TNKS: variants seen among roughly 807,000 people sequenced by gnomAD.
The protein encoded by TNKS is tankyrase, also known as poly [ADP-ribose] polymerase tankyrase-1.
A neutral mutation model predicts 135.8 loss-of-function variants in TNKS; 72 were observed. The observed-to-expected ratio is 0.53, with a 90% confidence interval of 0.44 to 0.64. TNKS has a LOEUF of 0.64. TNKS is among the 30% of genes least tolerant of loss of function. The probability of loss-of-function intolerance (pLI) is 0.00; values close to 1 mark genes in which losing one functional copy is unlikely to be tolerated. For missense variants in TNKS, 1,769 were observed against 1,674.0 expected, an observed-to-expected ratio of 1.06 and a Z score of -0.99; for synonymous variants, 849 against 649.3, an observed-to-expected ratio of 1.31 and a Z score of -4.68.
intron 4 of TNKS, among the ~76,000 whole-genome samples, chr8:9,680,211 T>C (rs1802726328): frequency 6.6e-6 from 1 of 152,198 alleles, no homozygotes; most frequent in Non-Finnish European, 1.5e-5. Flanking sequence ...TTTCCTAAGG[T>C]ACCTGTAAAC....
chr8:9,773,400 T>C (rs970937507), intron 26 of TNKS, among the ~76,000 whole-genome samples: 1 of 152,148 alleles, frequency 6.6e-6, no homozygotes, highest in Non-Finnish European at 1.5e-5. Flanking sequence ...AATGAGTGGT[T>C]TCAGTTCTCT....
chr8:9,722,729 A>G (rs1467816407), intron 12 of TNKS, among the ~76,000 whole-genome samples: 1 of 152,170 alleles, frequency 6.6e-6, no homozygotes, highest in Non-Finnish European at 1.5e-5. Flanking sequence ...CATTTTACTG[A>G]GAATCATTTA....
chr8:9,649,873 CTTTTCTTTTTTT>C, intron 3 of TNKS, among the ~76,000 whole-genome samples: 1 of 95,836 alleles, frequency 1.0e-5, no homozygotes, highest in East Asian at 3.0e-4. Flanking sequence ...TCTTTCTTTT[CTTTTCTTTTTTT>C]TTTTTTTTTT....
At chr8:9,715,893 T>G (rs892230817) in intron 11 of TNKS, among the ~76,000 whole-genome samples, 1 of 152,158 alleles carries the variant, frequency 6.6e-6, no homozygotes, top group Non-Finnish European at 1.5e-5. Flanking sequence ...ATGTGGCAAT[T>G]TTTTCTTTAT....
At chr8:9,666,248 A>G (rs1219025487) in intron 3 of TNKS, among the ~76,000 whole-genome samples, 1 of 152,212 alleles carries the variant, frequency 6.6e-6, no homozygotes, top group Non-Finnish European at 1.5e-5. Flanking sequence ...ATAGTAGGGT[A>G]AATAAAACGT....
chr8:9,622,279 A>G (rs1799895608), intron 3 of TNKS, among the ~76,000 whole-genome samples: 1 of 152,150 alleles, frequency 6.6e-6, no homozygotes, highest in African/African-American at 2.4e-5. Context: ...AGCAGCAGGT[A>G]TTTGTTTCAT....
At chr8:9,734,720 G>A in intron 15 of TNKS, 145 bp from the exon 16 acceptor site, 1 of 658,272 alleles carries the variant, frequency 1.5e-6, no homozygotes. Context: ...TACTAAGTAG[G>A]AATTTTGCAA....
chr8:9,635,307 G>C (rs945619597), intron 3 of TNKS, among the ~76,000 whole-genome samples: 1 of 152,202 alleles, frequency 6.6e-6, no homozygotes, highest in Non-Finnish European at 1.5e-5. Flanking sequence ...TATCATAATA[G>C]TGATGGATTG....
intron 26 of TNKS, among the ~76,000 whole-genome samples, chr8:9,775,793 C>T (rs1485605277): frequency 6.6e-6 from 1 of 151,948 alleles, no homozygotes; most frequent in Non-Finnish European, 1.5e-5. Context: ...CCCCAAAACA[C>T]TTTGCTCACC....
At chr8:9,739,093 A>G (rs1415596198) in intron 17 of TNKS, among the ~76,000 whole-genome samples, 1 of 146,730 alleles carries the variant, frequency 6.8e-6, no homozygotes, top group Non-Finnish European at 1.5e-5. Context: ...ACAGCAAAAG[A>G]AACTACCATC....
At position 9,743,477 on chromosome 8, in the gene TNKS, A is replaced by G. The variant is rs139769274; in HGVS notation, c.2644-4547A>G. ...TGGTTTTCTCAGTAGTAAAAGTTGG[A>G]TTCCAAGACCTCCTTTCCAGCTTGT... On this transcript the variant is annotated intron_variant, in intron 17 of 26. Transcript: ENST00000310430. The G allele has an allele frequency of 7.2e-5, 11 of 152,328 alleles. No individual in the cohort carries two copies. The East Asian group carries it at 1.9e-3, about 27-fold the overall frequency. The allele number at this position is 152,328 out of a possible 1,614,324, so 9.4% of individuals were successfully genotyped here.
chr8:9,573,571 A>T (rs1446245278), intron 1 of TNKS, among the ~76,000 whole-genome samples: 4 of 152,206 alleles, frequency 2.6e-5, no homozygotes, highest in African/African-American at 9.7e-5. Flanking sequence ...TTTAACACAT[A>T]GATGTATATG....
At chr8:9,654,953 C>T (rs1438847583) in intron 3 of TNKS, among the ~76,000 whole-genome samples, 2 of 152,188 alleles carry the variant, frequency 1.3e-5, no homozygotes, top group Non-Finnish European at 2.9e-5. Context: ...TGAGGCATCG[C>T]CTCACCTGGG....
At chr8:9,773,085 T>G (rs1009993092) in intron 26 of TNKS, among the ~76,000 whole-genome samples, 1 of 151,982 alleles carries the variant, frequency 6.6e-6, no homozygotes, top group African/African-American at 2.4e-5. Context: ...ATTTTTCTGT[T>G]TAAATCATAA....
At chr8:9,621,341 G>A (rs1356261628) in intron 3 of TNKS, among the ~76,000 whole-genome samples, 1 of 140,414 alleles carries the variant, frequency 7.1e-6, no homozygotes, top group East Asian at 2.1e-4. Context: ...TTTCACTCTT[G>A]TTGCCCAGGC....
In TNKS at chr8:9,776,746, G is replaced by A. The variant is rs769741708; in HGVS notation, c.*10G>A. ...AGAGCAGAAGACCTAGTGAATGCCT[G>A]CTGGTGAAGGCCAGATCAGATTTCA... is the stretch of plus-strand genomic sequence containing the variant. On this transcript the variant is annotated 3_prime_UTR_variant, in exon 27 of 27. Transcript: ENST00000310430. 8.7e-6 allele frequency: 14 copies of A among 1,612,722 alleles called. 1 individual carries two copies. Among genetic ancestry groups the A allele is most frequent in the South Asian group, 2.2e-5 (2 of 91,052 alleles).
intron 1 of TNKS, chr8:9,557,766 A>C (rs1815388040): frequency 1.3e-5 from 2 of 152,118 alleles, no homozygotes; most frequent in African/African-American, 4.8e-5. Context: ...GTGTTGACCC[A>C]CTGTAGTATT....
chr8:9,780,201 C>T lies in TNKS; in HGVS notation c.*3465C>T, dbSNP rs753845359. ...GGTTATTGGGCATTGTCCCCACCCC[C>T]GCCTTTTTAACATGTGCACTATCTG... On this transcript the variant is annotated 3_prime_UTR_variant, in exon 27 of 27. Coordinates refer to ENST00000310430, the MANE Select transcript of TNKS (RefSeq NM_003747.3). 15 of 152,104 alleles carry T rather than the reference C, an allele frequency of 9.9e-5. No individual in the cohort carries two copies. The highest frequency in any genetic ancestry group is 2.1e-4 in the South Asian group (1 of 4,818). The allele number at this position is 152,104 out of a possible 1,614,324, so 9.4% of individuals were successfully genotyped here. A position where few individuals can be genotyped will look rare whatever the true frequency, so the allele number is the denominator to read the frequency against.
intron 3 of TNKS, among the ~76,000 whole-genome samples, chr8:9,677,171 T>C (rs1802577153): frequency 6.6e-6 from 1 of 152,200 alleles, no homozygotes; most frequent in African/African-American, 2.4e-5. Context: ...GGGCACCAGA[T>C]AGTGGATGCT....
Sources: gnomAD v4.1 joint callset for allele counts (sites outside exome capture counted in the v4.1 genomes callset) on GRCh38, gnomAD v4.1.1 for gene constraint, MANE v1.5 for transcripts, NCBI Gene and HGNC (gene_info 2026-07-23, HGNC 2026-07-21) for gene names.